Variants in KLF8 observed in about 807,000 individuals in gnomAD.
KLF8 encodes Krueppel-like factor 8.
Under a neutral mutation model 18.2 loss-of-function variants are expected in KLF8, and 10 were observed. The observed-to-expected ratio is 0.55, with a 90% CI of 0.34 to 0.93. KLF8 has a LOEUF of 0.93. Ranked by LOEUF, KLF8 falls within the 40% of genes least tolerant of loss-of-function variation. KLF8 has a pLI of 0.02. For synonymous variants in KLF8, 109 were observed against 97.3 expected, an observed-to-expected ratio of 1.12 and a Z score of -0.71; for missense variants, 264 against 277.9, an observed-to-expected ratio of 0.95 and a Z score of 0.36.
the KLF8 span, among the ~76,000 whole-genome samples, chrX:56,060,523 C>T: frequency 8.9e-6 from 1 of 111,838 alleles, no homozygotes; most frequent in Non-Finnish European, 1.9e-5. Context: ...CCCTTGCATC[C>T]TGGGGATGAA....
the KLF8 span, among the ~76,000 whole-genome samples, chrX:55,977,641 T>C: frequency 9.0e-6 from 1 of 111,667 alleles, no homozygotes; most frequent in Non-Finnish European, 1.9e-5. Context: ...TTCCGCCGTC[T>C]TGCTTGTGAA....
chrX:56,059,232 T>A, the KLF8 span, among the ~76,000 whole-genome samples: 2 of 112,162 alleles, frequency 1.8e-5, no homozygotes, highest in Non-Finnish European at 3.8e-5. Context: ...CTTTAAGTTC[T>A]TTGTAGATTC....
chrX:56,132,556 C>G, the KLF8 span, among the ~76,000 whole-genome samples: 12 of 111,093 alleles, frequency 1.1e-4, no homozygotes, highest in Admixed American at 3.8e-4. Flanking sequence ...AATGGATAAT[C>G]TGAGGTCACA....
At chrX:55,930,097 T>G in the KLF8 span, among the ~76,000 whole-genome samples, 4 of 111,394 alleles carry the variant, frequency 3.6e-5, no homozygotes, top group Non-Finnish European at 7.5e-5. Flanking sequence ...AGGTCCTTCA[T>G]ATCCCTTGTA....
the KLF8 span, among the ~76,000 whole-genome samples, chrX:55,970,839 G>A: frequency 9.1e-6 from 1 of 110,482 alleles, no homozygotes; most frequent in East Asian, 2.8e-4. Context: ...TTTAAACCTA[G>A]GAATTAATCC....
At chrX:56,161,182 G>T in the KLF8 span, among the ~76,000 whole-genome samples, 1 of 111,706 alleles carries the variant, frequency 9.0e-6, no homozygotes, top group African/African-American at 3.3e-5. Context: ...ATTCTGGGTT[G>T]AAAATTCTTT....
the KLF8 span, among the ~76,000 whole-genome samples, chrX:56,220,399 T>A: frequency 7.1e-5 from 8 of 112,579 alleles, no homozygotes; most frequent in Non-Finnish European, 1.5e-4. Context: ...CTCCCAGGAA[T>A]TCTTATGCAT....
At chrX:56,064,078 T>A in the KLF8 span, among the ~76,000 whole-genome samples, 2 of 105,982 alleles carry the variant, frequency 1.9e-5, no homozygotes, top group African/African-American at 6.9e-5. Context: ...CATATATACA[T>A]GTGTGTGTAT....
the KLF8 span, among the ~76,000 whole-genome samples, chrX:55,941,666 A>T: frequency 8.9e-6 from 1 of 111,802 alleles, no homozygotes; most frequent in African/African-American, 3.3e-5. Flanking sequence ...ACTCAAACAA[A>T]TTTACAAGAA....
the KLF8 span, among the ~76,000 whole-genome samples, chrX:56,065,125 A>T: frequency 8.9e-6 from 1 of 111,931 alleles, no homozygotes; most frequent in Non-Finnish European, 1.9e-5. Context: ...AGATATCTAA[A>T]CATTTTGCTA....
intron 1 of KLF8, among the ~76,000 whole-genome samples, chrX:56,245,719 C>T (rs1432168326): frequency 8.9e-6 from 1 of 112,474 alleles, no homozygotes; most frequent in East Asian, 2.8e-4. Flanking sequence ...GAGTGATTCA[C>T]ATCTCAATGG....
chrX:56,226,855 G>C, the KLF8 span, among the ~76,000 whole-genome samples: 2 of 112,085 alleles, frequency 1.8e-5, no homozygotes, highest in Non-Finnish European at 3.8e-5. Flanking sequence ...GGAATATCCT[G>C]TTATTGTGGC....
At chrX:56,104,078 G>T in the KLF8 span, among the ~76,000 whole-genome samples, 8 of 111,912 alleles carry the variant, frequency 7.1e-5, no homozygotes, top group East Asian at 2.2e-3. Flanking sequence ...GATCATAGTG[G>T]ATAAGCTTTT....
chrX:56,263,921 C>G (rs2066921616), intron 2 of KLF8, among the ~76,000 whole-genome samples: 1 of 111,888 alleles, frequency 8.9e-6, no homozygotes, highest in Non-Finnish European at 1.9e-5. Flanking sequence ...CTTCTATCAC[C>G]CAACCTTTCA....
the KLF8 span, among the ~76,000 whole-genome samples, chrX:55,939,911 G>A: frequency 8.1e-5 from 9 of 111,600 alleles, no homozygotes; most frequent in Non-Finnish European, 1.1e-4. Context: ...AAGAGTCCAG[G>A]ACCAGATGGA....
the KLF8 span, among the ~76,000 whole-genome samples, chrX:55,936,374 A>T: frequency 1.8e-5 from 2 of 112,483 alleles, no homozygotes; most frequent in Non-Finnish European, 3.8e-5. Flanking sequence ...GTGGTAAAAG[A>T]CTTGTAAGAA....
the KLF8 span, among the ~76,000 whole-genome samples, chrX:56,065,878 T>G: frequency 8.9e-6 from 1 of 111,886 alleles, no homozygotes; most frequent in South Asian, 3.7e-4. Flanking sequence ...GTTGTGATGT[T>G]TGTGTGTGGA....
chrX:55,933,570 C>T, the KLF8 span, among the ~76,000 whole-genome samples: 347 of 112,100 alleles, frequency 3.1e-3, no homozygotes, highest in Middle Eastern at 9.3e-3. Context: ...GAAAATATTT[C>T]GATTTTGAGG....
the KLF8 span, among the ~76,000 whole-genome samples, chrX:56,072,013 T>C: frequency 1.5e-4 from 17 of 111,871 alleles, no homozygotes; most frequent in African/African-American, 5.2e-4. Flanking sequence ...GAAGTTACTT[T>C]TAGCAGATAA....
Sources: gnomAD v4.1 joint callset for allele counts (sites outside exome capture counted in the v4.1 genomes callset) on GRCh38, gnomAD v4.1.1 for gene constraint, MANE v1.5 for transcripts, NCBI Gene and HGNC (gene_info 2026-07-23, HGNC 2026-07-21) for gene names.